Variants in UBE2L3 observed in about 807,000 individuals in gnomAD.
UBE2L3 encodes the protein ubiquitin conjugating enzyme E2 L3, also known as ubiquitin-conjugating enzyme E2 L3.
A neutral mutation model predicts 17.8 loss-of-function variants in UBE2L3; 1 was observed. That is an observed-to-expected ratio of 0.06 (90% CI 0.02 to 0.27). UBE2L3 has a LOEUF of 0.27. Among genes scored for constraint, UBE2L3 ranks in the 10% least tolerant of loss-of-function variants. The pLI is 1.00. For missense variants in UBE2L3, 40 were observed against 192.6 expected (o/e 0.21, Z 4.69); for synonymous variants, 44 against 68.5 (o/e 0.64, Z 1.76).
At chr22:21,591,230 C>G (rs1928248679) in intron 1 of UBE2L3, among the ~76,000 whole-genome samples, 1 of 152,220 alleles carries the variant, frequency 6.6e-6, no homozygotes, top group Non-Finnish European at 1.5e-5. Context: ...CCGCTAACGC[C>G]TCCTCAGGGA....
upstream of UBE2L3, among the ~76,000 whole-genome samples, chr22:21,565,242 G>A (rs1316705399): frequency 2.6e-5 from 4 of 151,766 alleles, no homozygotes; most frequent in African/African-American, 9.6e-5. Context: ...ACAGGCGCCC[G>A]CCACCACGCC....
At chr22:21,580,559 C>T (rs1344190803) in intron 1 of UBE2L3, among the ~76,000 whole-genome samples, 4 of 150,552 alleles carry the variant, frequency 2.7e-5, no homozygotes, top group Admixed American at 2.0e-4. Flanking sequence ...AAGCAGTTCT[C>T]CTGCCTTAGC....
rs565044564 is a variant in UBE2L3 at position 21,579,001 on chromosome 22, A to ATTTT, written c.27+11233_27+11236dup. ...TATTTATTTATTTATTTATTTATTT[A>ATTTT]TTTTTTGAGATGGAGTTTCACTCTT... On this transcript the variant is annotated intron_variant, in intron 1 of 3. Coordinates refer to ENST00000342192, the MANE Select transcript of UBE2L3 (RefSeq NM_003347.4). Among the ~76,000 whole-genome samples, 205 of 148,490 alleles carry ATTTT rather than the reference A, an allele frequency of 1.4e-3. 1 individual carries two copies. The highest frequency in any genetic ancestry group is 5.0e-3 in the African/African-American group (198 of 39,972).
chr22:21,586,509 G>A (rs549195961), intron 1 of UBE2L3, among the ~76,000 whole-genome samples: 2 of 151,250 alleles, frequency 1.3e-5, no homozygotes, highest in Non-Finnish European at 2.9e-5. Context: ...GACCTCAAGT[G>A]ATCCGCCCAC....
intron 2 of UBE2L3, among the ~76,000 whole-genome samples, chr22:21,604,088 A>C (rs529887963): frequency 1.3e-5 from 2 of 152,026 alleles, no homozygotes; most frequent in African/African-American, 4.8e-5. Context: ...TAAAATTATC[A>C]TAAGGAATTA....
intron 2 of UBE2L3, among the ~76,000 whole-genome samples, chr22:21,606,792 T>G (rs561262780): frequency 3.3e-5 from 5 of 152,228 alleles, no homozygotes; most frequent in African/African-American, 1.2e-4. Flanking sequence ...AAGGCTGCAG[T>G]GAACCGTGAT....
At chr22:21,551,905 TAC>T (rs1324635437) in intron 1 of UBE2L3, among the ~76,000 whole-genome samples, 2 of 52,958 alleles carry the variant, frequency 3.8e-5, no homozygotes, top group African/African-American at 1.1e-4. Flanking sequence ...AGAAGAAACA[TAC>T]ACACACACAC....
chr22:21,562,127 T>C (rs1198482118), intron 1 of UBE2L3, among the ~76,000 whole-genome samples: 33 of 150,270 alleles, frequency 2.2e-4, no homozygotes, highest in African/African-American at 7.5e-4. Context: ...TCTGGTGTTT[T>C]CCTTGGTGCC....
chr22:21,591,032 G>C (rs1342409401), intron 1 of UBE2L3, among the ~76,000 whole-genome samples: 1 of 152,150 alleles, frequency 6.6e-6, no homozygotes, highest in Non-Finnish European at 1.5e-5. Flanking sequence ...TTCTGAGTCT[G>C]CCCAGGCTTC....
chr22:21,607,040 C>T (rs1349090194), intron 2 of UBE2L3, among the ~76,000 whole-genome samples: 1 of 152,178 alleles, frequency 6.6e-6, no homozygotes, highest in East Asian at 1.9e-4. Context: ...TCATCTTATC[C>T]ATCCTTTAAG....
intron 2 of UBE2L3, among the ~76,000 whole-genome samples, chr22:21,595,069 G>A (rs1276987290): frequency 6.6e-6 from 1 of 152,238 alleles, no homozygotes; most frequent in Admixed American, 6.5e-5. Flanking sequence ...GGGCTATGGA[G>A]CAGTGGGCTA....
chr22:21,590,638 A>G (rs1485927058), intron 1 of UBE2L3, among the ~76,000 whole-genome samples: 1 of 152,198 alleles, frequency 6.6e-6, no homozygotes, highest in East Asian at 1.9e-4. Flanking sequence ...TCTAGTTTCA[A>G]AGTTCTGTGT....
intron 1 of UBE2L3, among the ~76,000 whole-genome samples, chr22:21,589,177 G>T (rs1217306712): frequency 7.6e-6 from 1 of 131,010 alleles, no homozygotes; most frequent in African/African-American, 2.9e-5. Context: ...ACGGAGTCTC[G>T]CTCTGTCACC....
At chr22:21,620,128 T>C (rs943736395) in intron 3 of UBE2L3, among the ~76,000 whole-genome samples, 1 of 151,890 alleles carries the variant, frequency 6.6e-6, no homozygotes, top group African/African-American at 2.4e-5. Context: ...ACCCCATCTC[T>C]ACAAAAAACT....
chr22:21,589,271 G>A (rs912206412), intron 1 of UBE2L3, among the ~76,000 whole-genome samples: 20 of 148,792 alleles, frequency 1.3e-4, no homozygotes, highest in Admixed American at 3.4e-4. Flanking sequence ...TCAGCCTCCC[G>A]AGTAGCTGGG....
chr22:21,587,167 TG>T (rs979075538), intron 1 of UBE2L3, among the ~76,000 whole-genome samples: 1 of 151,998 alleles, frequency 6.6e-6, no homozygotes. Context: ...ATTACAGGCA[TG>T]AACCACCACG....
At chr22:21,603,929 T>C (rs1183381433) in intron 2 of UBE2L3, among the ~76,000 whole-genome samples, 10 of 136,744 alleles carry the variant, frequency 7.3e-5, no homozygotes, top group South Asian at 2.5e-4. Context: ...TTTTTTTTTT[T>C]CTGAGACAGG....
At chr22:21,575,132 G>T (rs1341503013) in intron 1 of UBE2L3, among the ~76,000 whole-genome samples, 2 of 151,474 alleles carry the variant, frequency 1.3e-5, no homozygotes, top group Admixed American at 1.3e-4. Context: ...GGTGGCATGT[G>T]CCTGTAATCC....
chr22:21,600,704 G>A (rs541766146), intron 2 of UBE2L3, among the ~76,000 whole-genome samples: 5 of 151,682 alleles, frequency 3.3e-5, no homozygotes, highest in Admixed American at 1.3e-4. Context: ...TCAAAAAAAA[G>A]GAAATATTTG....
Sources: allele counts gnomAD v4.1 joint callset (sites outside exome capture counted in the v4.1 genomes callset), GRCh38; gene constraint gnomAD v4.1.1; transcripts MANE v1.5; gene names NCBI Gene and HGNC (gene_info 2026-07-23, HGNC 2026-07-21).